DOCK3: variants seen among roughly 807,000 people sequenced by gnomAD.
DOCK3 encodes dedicator of cytokinesis protein 3.
Under a neutral mutation model 265.6 loss-of-function variants are expected in DOCK3, and 60 were observed. The observed-to-expected ratio is 0.23, with a 90% CI of 0.18 to 0.28. The LOEUF (loss-of-function observed/expected upper bound fraction) is 0.28. Ranked by LOEUF, DOCK3 falls within the 10% of genes least tolerant of loss-of-function variation. The pLI is 1.00. For missense variants in DOCK3, 1,981 were observed against 2,594.3 expected (o/e 0.76, Z 5.14); for synonymous variants, 881 against 938.0 (o/e 0.94, Z 1.11).
chr3:50,744,477 C>G (rs976085055), intron 1 of DOCK3, among the ~76,000 whole-genome samples: 1 of 150,808 alleles, frequency 6.6e-6, no homozygotes, highest in Non-Finnish European at 1.5e-5. Flanking sequence ...CTTTGTCACC[C>G]AGGGTGGAGT....
At chr3:51,253,032 G>A (rs1278698722) in intron 22 of DOCK3, among the ~76,000 whole-genome samples, 3 of 152,164 alleles carry the variant, frequency 2.0e-5, no homozygotes, top group South Asian at 2.1e-4. Flanking sequence ...TTTGAGATAC[G>A]TCCCATCAAT....
chr3:51,331,340 G>A (rs1018076428), intron 33 of DOCK3, among the ~76,000 whole-genome samples: 14 of 152,108 alleles, frequency 9.2e-5, no homozygotes, highest in African/African-American at 3.1e-4. Context: ...TTTTTTAGCC[G>A]AAGATTTGTC....
intron 10 of DOCK3, among the ~76,000 whole-genome samples, chr3:51,155,762 A>G (rs983264354): frequency 3.3e-5 from 5 of 152,194 alleles, no homozygotes; most frequent in African/African-American, 1.2e-4. Flanking sequence ...GTGGACGGCC[A>G]ATACAATGAG....
intron 5 of DOCK3, among the ~76,000 whole-genome samples, chr3:51,028,439 T>C (rs978364097): frequency 6.6e-6 from 1 of 152,178 alleles, no homozygotes. Flanking sequence ...AGGTGTTCTC[T>C]TAATTTCTTG....
intron 9 of DOCK3, among the ~76,000 whole-genome samples, chr3:51,139,262 G>GGC (rs1021645621): frequency 1.6e-4 from 23 of 139,474 alleles, no homozygotes; most frequent in African/African-American, 7.1e-4. Flanking sequence ...AGTGGGGGGA[G>GGC]GGCTAAGATG....
At chr3:51,297,772 A>G (rs994280859) in intron 27 of DOCK3, among the ~76,000 whole-genome samples, 1 of 119,332 alleles carries the variant, frequency 8.4e-6, no homozygotes, top group Non-Finnish European at 1.7e-5. Context: ...CTGTCTTTAC[A>G]AAAATAATAA....
At chr3:50,842,788 C>T (rs2045901851) in intron 3 of DOCK3, among the ~76,000 whole-genome samples, 1 of 152,048 alleles carries the variant, frequency 6.6e-6, no homozygotes, top group Admixed American at 6.5e-5. Flanking sequence ...TGAATGCTTA[C>T]GTGGGAATAG....
At chr3:50,885,406 A>C (rs1218671378) in intron 3 of DOCK3, among the ~76,000 whole-genome samples, 2 of 140,744 alleles carry the variant, frequency 1.4e-5, no homozygotes, top group Non-Finnish European at 3.0e-5. Flanking sequence ...TTTTCAACTC[A>C]TTTGGGTAAA....
intron 13 of DOCK3, 54 bp downstream of exon 13, chr3:51,208,916 A>G (rs879482389): frequency 6.6e-7 from 1 of 1,515,560 alleles, no homozygotes; most frequent in Non-Finnish European, 9.0e-7. Flanking sequence ...GTTGCTACTC[A>G]TACAGCACTT....
In DOCK3 at chr3:51,215,678, C is replaced by T. The variant is rs78007844; in HGVS notation, c.1252+1431C>T. ...GCCTTCCAACTTTCCAGGCTATGCC[C>T]AGATTTATTTTCTGTCACCTTCATT... On this transcript the variant is annotated intron_variant, in intron 14 of 52. Coordinates refer to ENST00000266037, the MANE Select transcript of DOCK3 (RefSeq NM_004947.5). Among the ~76,000 whole-genome samples the T allele has an allele frequency of 2.0e-3, 300 of 152,254 alleles. 5 individuals carry two copies. The East Asian group carries it at 0.047, about 24-fold the overall frequency.
At chr3:51,379,173 G>A (rs1036436072) in intron 51 of DOCK3, among the ~76,000 whole-genome samples, 6 of 152,132 alleles carry the variant, frequency 3.9e-5, no homozygotes, top group African/African-American at 1.2e-4. Context: ...GGCTGCAGGC[G>A]TTCACTCCTT....
At chr3:50,863,348 G>A in intron 3 of DOCK3, 1 of 505,874 alleles carries the variant, frequency 2.0e-6, no homozygotes, top group Non-Finnish European at 3.9e-6. Context: ...GCCTGTGTGA[G>A]CTGGCTACCC....
intron 23 of DOCK3, among the ~76,000 whole-genome samples, chr3:51,267,740 C>G (rs2080275475): frequency 1.3e-5 from 2 of 152,104 alleles, no homozygotes; most frequent in Non-Finnish European, 2.9e-5. Flanking sequence ...TGGAACCAAC[C>G]CAAATGCCCA....
At chr3:51,150,303 AT>A (rs781121333) in intron 10 of DOCK3, among the ~76,000 whole-genome samples, 6 of 151,918 alleles carry the variant, frequency 3.9e-5, no homozygotes, top group South Asian at 2.1e-4. Context: ...GGATTCATTG[AT>A]TTTTTGAAGG....
intron 27 of DOCK3, among the ~76,000 whole-genome samples, chr3:51,299,205 C>T (rs142707984): frequency 3.3e-5 from 5 of 151,812 alleles, no homozygotes; most frequent in Admixed American, 1.3e-4. Flanking sequence ...GTTTATGGGC[C>T]GCGTAAGTGT....
At chr3:50,898,657 C>T (rs1303141348) in intron 4 of DOCK3, 1 of 152,072 alleles carries the variant, frequency 6.6e-6, no homozygotes, top group Non-Finnish European at 1.5e-5. Flanking sequence ...TAAATGTGTC[C>T]CAGAGATTCT....
chr3:50,836,034 C>T (rs1168147729), intron 2 of DOCK3, among the ~76,000 whole-genome samples: 1 of 152,170 alleles, frequency 6.6e-6, no homozygotes, highest in African/African-American at 2.4e-5. Flanking sequence ...GTTTATTACA[C>T]ACCAAAATTC....
At chr3:50,724,654 G>A (rs1357531663) in intron 1 of DOCK3, among the ~76,000 whole-genome samples, 2 of 151,966 alleles carry the variant, frequency 1.3e-5, no homozygotes, top group African/African-American at 2.4e-5. Context: ...CATGGACACG[G>A]GGAGGGGAAC....
intron 1 of DOCK3, among the ~76,000 whole-genome samples, chr3:50,677,639 T>C (rs1465081874): frequency 6.6e-6 from 1 of 152,100 alleles, no homozygotes; most frequent in Non-Finnish European, 1.5e-5. Flanking sequence ...TTTGGAGAAA[T>C]TTGTGGAGGA....
Sources: allele counts gnomAD v4.1 joint callset (sites outside exome capture counted in the v4.1 genomes callset), GRCh38; gene constraint gnomAD v4.1.1; transcripts MANE v1.5; gene names NCBI Gene and HGNC (gene_info 2026-07-23, HGNC 2026-07-21).